CSGALNACT1: variants seen among roughly 807,000 people sequenced by gnomAD.
CSGALNACT1 encodes the protein chondroitin sulfate N-acetylgalactosaminyltransferase 1.
CSGALNACT1 carries 52 observed loss-of-function variants against 51.0 expected under a neutral mutation model. That is an observed-to-expected ratio of 1.02 (90% CI 0.82 to 1.29). The LOEUF is 1.29. Among genes scored for constraint, CSGALNACT1 ranks in the 50% most tolerant of loss-of-function variants. CSGALNACT1 has a pLI of 0.00. For missense variants in CSGALNACT1, 935 were observed against 679.2 expected (o/e 1.38, Z -4.19); for synonymous variants, 341 against 254.4 (o/e 1.34, Z -3.24).
chr8:19,688,064 C>G (rs1474727853), intron 1 of CSGALNACT1, among the ~76,000 whole-genome samples: 1 of 152,158 alleles, frequency 6.6e-6, no homozygotes, highest in African/African-American at 2.4e-5. Flanking sequence ...CTCAAAACAT[C>G]CCTCTGAAGT....
intron 3 of CSGALNACT1, among the ~76,000 whole-genome samples, chr8:19,589,836 AG>A (rs2047416279): frequency 6.6e-6 from 1 of 152,236 alleles, no homozygotes; most frequent in Non-Finnish European, 1.5e-5. Flanking sequence ...AATATGTTGC[AG>A]CCAAATCATT....
chr8:19,595,927 G>C (rs1010698178), intron 2 of CSGALNACT1, among the ~76,000 whole-genome samples: 2 of 145,346 alleles, frequency 1.4e-5, no homozygotes, highest in East Asian at 2.0e-4. Flanking sequence ...CCAGTGATGT[G>C]ATCTCAGCTC....
At chr8:19,639,098 G>T (rs55726693) in intron 1 of CSGALNACT1, among the ~76,000 whole-genome samples, 6,814 of 152,136 alleles carry the variant, frequency 0.045, 235 homozygotes, top group South Asian at 0.11. Context: ...CAGTAAATAT[G>T]AATGTTTCCC....
exon 10 of CSGALNACT1, chr8:19,405,276 C>T: frequency 2.2e-6 from 1 of 453,454 alleles, no homozygotes; most frequent in South Asian, 1.6e-5. Flanking sequence ...TTTTCTGGTC[C>T]ATTTTATTTT....
At chr8:19,558,688 G>T (rs768009643) in intron 3 of CSGALNACT1, among the ~76,000 whole-genome samples, 1 of 151,980 alleles carries the variant, frequency 6.6e-6, no homozygotes, top group Non-Finnish European at 1.5e-5. Context: ...CTGACTCAAC[G>T]CTTAAACTAT....
At position 19,405,808 on chromosome 8, in the gene CSGALNACT1, TTC is replaced by T; in HGVS notation, c.1569_1570del (p.Lys524ThrfsTer5). ...TGTTTTTTTGCTACTTGTCTTCTGTTTCTGTTTGCGAAGGTGAGCCTCTATCT... is the reference window on the plus strand; with the variant it reads ...TGTTTTTTTGCTACTTGTCTTCTGTTTGTTTGCGAAGGTGAGCCTCTATCT... On this transcript the variant is annotated frameshift_variant, in exon 10 of 10. Transcript: ENST00000454498. LOFTEE classifies it high-confidence loss of function. 1 of 1,614,212 alleles carries T rather than the reference TTC, an allele frequency of 6.2e-7. No individual in the cohort carries two copies. Among genetic ancestry groups the T allele is most frequent in the African/African-American group, 1.3e-5 (1 of 75,052 alleles).
At chr8:19,434,028 C>T (rs2060016292) in intron 6 of CSGALNACT1, among the ~76,000 whole-genome samples, 1 of 152,136 alleles carries the variant, frequency 6.6e-6, no homozygotes, top group African/African-American at 2.4e-5. Flanking sequence ...GCAAGTTAAA[C>T]CTCCATAAAG....
At chr8:19,645,254 TA>T (rs1425680062) in intron 1 of CSGALNACT1, among the ~76,000 whole-genome samples, 1 of 152,072 alleles carries the variant, frequency 6.6e-6, no homozygotes, top group East Asian at 1.9e-4. Flanking sequence ...GAAAAATGAG[TA>T]ACTTTAGGCA....
chr8:19,465,506 G>A (rs769079503), intron 4 of CSGALNACT1, among the ~76,000 whole-genome samples: 5 of 152,172 alleles, frequency 3.3e-5, no homozygotes, highest in Admixed American at 1.3e-4. Flanking sequence ...AATGCTATAC[G>A]TATTGACCAC....
intron 6 of CSGALNACT1, among the ~76,000 whole-genome samples, chr8:19,423,109 C>CT (rs2058205041): frequency 1.3e-5 from 2 of 152,146 alleles, no homozygotes; most frequent in African/African-American, 4.8e-5. Flanking sequence ...CTAGGATCTA[C>CT]TACAGGAGAG....
chr8:19,592,773 T>TG (rs2154134991), intron 2 of CSGALNACT1, among the ~76,000 whole-genome samples: 1 of 151,566 alleles, frequency 6.6e-6, no homozygotes, highest in African/African-American at 2.4e-5. Context: ...CTGTCTCTAA[T>TG]GAAAAAAAAA....
chr8:19,714,897 C>G (rs1187130496), intron 1 of CSGALNACT1, among the ~76,000 whole-genome samples: 1 of 152,082 alleles, frequency 6.6e-6, no homozygotes, highest in Non-Finnish European at 1.5e-5. Flanking sequence ...GATAAGTAGG[C>G]TTTTGATCCA....
At chr8:19,683,697 G>A (rs2060796846), upstream of CSGALNACT1, among the ~76,000 whole-genome samples, 1 of 152,146 alleles carries the variant, frequency 6.6e-6, no homozygotes, top group Non-Finnish European at 1.5e-5. Flanking sequence ...CAAAATTTAT[G>A]TAAAATGAAT....
chr8:19,568,487 T>C (rs1362963334), intron 3 of CSGALNACT1, among the ~76,000 whole-genome samples: 2 of 152,206 alleles, frequency 1.3e-5, no homozygotes, highest in Non-Finnish European at 2.9e-5. Flanking sequence ...ATATAGGCTC[T>C]GATGGTGGAT....
chr8:19,585,129 T>C (rs1422199411), intron 3 of CSGALNACT1: 3 of 152,212 alleles, frequency 2.0e-5, no homozygotes, highest in Non-Finnish European at 4.4e-5. Context: ...GTAAAATAGA[T>C]TACATAGTGC....
intron 8 of CSGALNACT1, among the ~76,000 whole-genome samples, chr8:19,409,781 G>T (rs1181255772): frequency 6.6e-6 from 1 of 152,110 alleles, no homozygotes; most frequent in African/African-American, 2.4e-5. Flanking sequence ...GTACATGAGA[G>T]GGGAGAAGCA....
intron 4 of CSGALNACT1, among the ~76,000 whole-genome samples, chr8:19,474,581 C>T (rs1018513977): frequency 6.6e-6 from 1 of 151,954 alleles, no homozygotes; most frequent in Non-Finnish European, 1.5e-5. Flanking sequence ...CAATAAGCAC[C>T]TTCCGGCCAG....
chr8:19,412,328 G>A (rs1451160616), intron 8 of CSGALNACT1, among the ~76,000 whole-genome samples: 1 of 152,170 alleles, frequency 6.6e-6, no homozygotes, highest in Admixed American at 6.5e-5. Flanking sequence ...TCACGTGACA[G>A]GGATGATTAT....
exon 5 of CSGALNACT1, chr8:19,458,537 G>C (rs1466960328): frequency 1.9e-6 from 3 of 1,614,034 alleles, no homozygotes; most frequent in Non-Finnish European, 2.5e-6. Context: ...TTTCATGATG[G>C]GGCCGAATGG....
Sources: gnomAD v4.1 joint callset for allele counts (sites outside exome capture counted in the v4.1 genomes callset) on GRCh38, gnomAD v4.1.1 for gene constraint, MANE v1.5 for transcripts, NCBI Gene and HGNC (gene_info 2026-07-23, HGNC 2026-07-21) for gene names.